ASAP3: variants seen among roughly 807,000 people sequenced by gnomAD.
ASAP3 encodes the protein arf-GAP with SH3 domain, ANK repeat and PH domain-containing protein 3.
ASAP3 carries 85 observed loss-of-function variants against 118.2 expected under a neutral mutation model. That is an observed-to-expected ratio of 0.72 (90% CI 0.60 to 0.86). The LOEUF (loss-of-function observed/expected upper bound fraction) is 0.86. Ranked by LOEUF, ASAP3 falls within the 40% of genes least tolerant of loss-of-function variation. The pLI is 0.00. For missense variants in ASAP3, 1,026 were observed against 1,175.0 expected (o/e 0.87, Z 1.85); for synonymous variants, 432 against 477.4 (o/e 0.90, Z 1.24).
intron 1 of ASAP3, among the ~76,000 whole-genome samples, chr1:23,461,299 T>C (rs1390378771): frequency 6.6e-6 from 1 of 152,166 alleles, no homozygotes; most frequent in Non-Finnish European, 1.5e-5. Context: ...GTGTATATGG[T>C]AACTCTATGT....
chr1:23,436,096 C>A lies in ASAP3; in HGVS notation c.1572-68G>T. 6.5e-7 allele frequency: 1 copy of A among 1,536,966 alleles called. No homozygotes were observed. The highest frequency in any genetic ancestry group is 9.0e-7 in the Non-Finnish European group (1 of 1,113,640). On this transcript the variant is annotated intron_variant, in intron 16 of 24. Coordinates refer to ENST00000336689, the MANE Select transcript of ASAP3 (RefSeq NM_017707.4). The surrounding 1 kb of genome is among the most constrained non-coding windows in gnomAD (Gnocchi z 4.2). ...TGCCCAGCTGATCCCTGGGGCCCTC[C>A]CACAGGAGATACAGCTCTCTTTTTC...
In ASAP3 at chr1:23,435,816, GGTGGGTTATAA is replaced by G. The variant is rs774211910; in HGVS notation, c.1749+24_1749+34del. ...GAAGAACTGGGGAATATGTTAGACAGGTGGGTTATAAGTGGCCCTTGGAGGGGTTCTCACCT... is the reference window on the plus strand; with the variant it reads ...GAAGAACTGGGGAATATGTTAGACAGGTGGCCCTTGGAGGGGTTCTCACCT... On this transcript the variant is annotated intron_variant, in intron 17 of 24. Transcript: ENST00000336689. The G allele has an allele frequency of 1.1e-5, 18 of 1,613,054 alleles. No individual in the cohort carries two copies. The African/African-American group carries it at 1.9e-4, about 17-fold the overall frequency.
intron 1 of ASAP3, 46 bp from the exon 2 acceptor site, chr1:23,456,240 A>G: frequency 6.3e-7 from 1 of 1,579,884 alleles, no homozygotes; most frequent in Non-Finnish European, 8.7e-7. Flanking sequence ...AAGCTGGAAT[A>G]GGGTGCTTCC....
intron 23 of ASAP3, 66 bp downstream of exon 23, chr1:23,431,630 G>T: frequency 7.1e-7 from 1 of 1,411,152 alleles, no homozygotes. Flanking sequence ...TAGAGGTGTG[G>T]AAATCAATGG....
Position 23,441,864 on chromosome 1 carries a change from C to T in ASAP3, c.672-134G>A, listed in dbSNP as rs193014911. ...TTGTAGTCTGACGGTCAAGAACAGA[C>T]ACTCCATAGACAAGAGTCTCTCTTG... On this transcript the variant is annotated intron_variant, in intron 7 of 24. Transcript: ENST00000336689. The T allele has an allele frequency of 9.9e-5, 89 of 899,776 alleles. 1 individual carries two copies. The East Asian group carries it at 1.8e-3, about 18-fold the overall frequency. The allele number at this position is 899,776 out of a possible 1,614,324, so 55.7% of individuals were successfully genotyped here.
At chr1:23,465,220 T>C (rs777485097) in intron 1 of ASAP3, among the ~76,000 whole-genome samples, 16 of 152,326 alleles carry the variant, frequency 1.1e-4, no homozygotes, top group Admixed American at 4.6e-4. Flanking sequence ...ATTAAACATA[T>C]CTCCCCACAC....
intron 1 of ASAP3, among the ~76,000 whole-genome samples, chr1:23,477,876 C>T (rs906089943): frequency 6.6e-6 from 1 of 152,134 alleles, no homozygotes; most frequent in African/African-American, 2.4e-5. Flanking sequence ...CTGCACCCGG[C>T]TGTGACTTAT....
Position 23,437,405 on chromosome 1 carries a change from T to G in ASAP3, c.1151+19A>C. The G allele has an allele frequency of 6.2e-7, 1 of 1,613,422 alleles. No homozygotes were observed. The highest frequency in any genetic ancestry group is 1.1e-5 in the South Asian group (1 of 91,052). ...CCCCCACCCACAAGGCTGGCCGGGCTGGCCGAGGGGGCACTCACGCCTCAC... is the reference window on the plus strand; with the variant it reads ...CCCCCACCCACAAGGCTGGCCGGGCGGGCCGAGGGGGCACTCACGCCTCAC... On this transcript the variant is annotated intron_variant, in intron 13 of 24. Coordinates refer to ENST00000336689, the MANE Select transcript of ASAP3 (RefSeq NM_017707.4). The surrounding 1 kb of genome is among the most constrained non-coding windows in gnomAD (Gnocchi z 6.1).
At chr1:23,439,541 C>T (rs979133605) in intron 10 of ASAP3, among the ~76,000 whole-genome samples, 3 of 152,150 alleles carry the variant, frequency 2.0e-5, no homozygotes, top group Non-Finnish European at 2.9e-5. Context: ...ATGGGGGAGA[C>T]ATAGCTTATA....
At position 23,436,286 on chromosome 1, in the gene ASAP3, C is replaced by G. The variant is rs1640650787; in HGVS notation, c.1572-258G>C. 6.6e-6 allele frequency among the ~76,000 whole-genome samples: 1 copy of G among 152,254 alleles called. No homozygotes were observed. Among genetic ancestry groups the G allele is most frequent in the South Asian group, 2.1e-4 (1 of 4,834 alleles). On this transcript the variant is annotated intron_variant, in intron 16 of 24. Transcript: ENST00000336689. This position sits in a 1 kb window ranked among gnomAD's most constrained non-coding sequence, Gnocchi z 4.2. ...CAAGCAATTCTAGTGCCTCAACCTCCTGAGTAGCTGGAATTACAGGCGTGT... is the reference window on the plus strand; with the variant it reads ...CAAGCAATTCTAGTGCCTCAACCTCGTGAGTAGCTGGAATTACAGGCGTGT...
chr1:23,434,436 A>G (rs1368676930), intron 18 of ASAP3, 67 bp from the exon 19 acceptor site: 34 of 1,597,784 alleles, frequency 2.1e-5, no homozygotes, highest in Admixed American at 3.3e-5. Context: ...AAGTCAGGGG[A>G]AAAAGTGGGA....
chr1:23,474,286 C>A (rs184210337), intron 1 of ASAP3, among the ~76,000 whole-genome samples: 130 of 152,154 alleles, frequency 8.5e-4, no homozygotes, highest in African/African-American at 3.0e-3. Flanking sequence ...CCAATGACCT[C>A]CGTGTTGCCA....
At chr1:23,454,387 TGTTGGC>T (rs1350450702) in intron 3 of ASAP3, among the ~76,000 whole-genome samples, 1 of 152,194 alleles carries the variant, frequency 6.6e-6, no homozygotes, top group East Asian at 1.9e-4. Context: ...AGTTTCACCA[TGTTGGC>T]CAGGCTGGTC....
At chr1:23,471,020 G>A (rs1032829915) in intron 1 of ASAP3, among the ~76,000 whole-genome samples, 2 of 152,190 alleles carry the variant, frequency 1.3e-5, no homozygotes, top group Non-Finnish European at 2.9e-5. Flanking sequence ...GAAGAACCTG[G>A]CCTGCCCTCT....
chr1:23,429,887 G>T lies in ASAP3; in HGVS notation c.2681C>A (p.Pro894Gln). The T allele has an allele frequency of 6.2e-7, 1 of 1,613,986 alleles. No individual in the cohort carries two copies. The highest frequency in any genetic ancestry group is 1.1e-5 in the South Asian group (1 of 90,996). The change falls in exon 25 of 25, where the codon CCA becomes CAA. Residue 894 changes from proline to glutamine, a missense_variant. Transcript: ENST00000336689. ...TTGCAAAAGTTGCACAGAACTTGCTGGGAGACTCCCAGTCCTTGAGCCATC... is the reference window on the plus strand; with the variant it reads ...TTGCAAAAGTTGCACAGAACTTGCTTGGAGACTCCCAGTCCTTGAGCCATC... ...EGDGSRTGSL[P>Q]ASSVQLLQD
At chr1:23,461,408 C>T (rs544892439) in intron 1 of ASAP3, among the ~76,000 whole-genome samples, 8 of 152,140 alleles carry the variant, frequency 5.3e-5, no homozygotes, top group Non-Finnish European at 8.8e-5. Flanking sequence ...GGGTGGCTCA[C>T]GGCTGTAATC....
Position 23,455,768 on chromosome 1 carries a change from T to A in ASAP3, c.348+113A>T, listed in dbSNP as rs1641361671. 3.2e-5 allele frequency: 45 copies of A among 1,397,152 alleles called. 1 individual carries two copies. In the South Asian group the frequency reaches 5.6e-4, roughly 18 times the overall value. 86.5% of individuals were successfully genotyped at this position (1,397,152 alleles called of 1,614,324 possible). ...AAGGGACCTCAGGTCTGAACTCAGG[T>A]CAGAGATCAAGGGCAAATTGGGAGA... On this transcript the variant is annotated intron_variant, in intron 3 of 24. Coordinates refer to ENST00000336689, the MANE Select transcript of ASAP3 (RefSeq NM_017707.4).
In ASAP3 at chr1:23,429,420, A is replaced by G. The variant is rs1640346678; in HGVS notation, c.*436T>C. ...TAGAGTTGGAATTTAGTGAAGGAAT[A>G]TTAGACTAATAAATGGCTGGCTGAG... On this transcript the variant is annotated 3_prime_UTR_variant, in exon 25 of 25. Transcript: ENST00000336689. The G allele has an allele frequency of 6.4e-6, 1 of 156,490 alleles. No individual in the cohort carries two copies. The highest frequency in any genetic ancestry group is 6.2e-5 in the Admixed American group (1 of 16,056). 9.7% of individuals were successfully genotyped at this position (156,490 alleles called of 1,614,324 possible).
chr1:23,462,028 CTTT>C (rs531739489), intron 1 of ASAP3, among the ~76,000 whole-genome samples: 1 of 143,994 alleles, frequency 6.9e-6, no homozygotes, highest in Admixed American at 6.9e-5. Context: ...TTTTTCTTTT[CTTT>C]TTTTTTTTTT....
Sources: allele counts gnomAD v4.1 joint callset (sites outside exome capture counted in the v4.1 genomes callset), GRCh38; gene constraint gnomAD v4.1.1; non-coding constraint Gnocchi (gnomAD v3.1); transcripts MANE v1.5; gene names NCBI Gene and HGNC (gene_info 2026-07-23, HGNC 2026-07-21).